MICU1: variants seen among roughly 807,000 people sequenced by gnomAD.
The protein encoded by MICU1 is calcium uptake protein 1, mitochondrial.
Under a neutral mutation model 56.8 loss-of-function variants are expected in MICU1, and 45 were observed. That is an observed-to-expected ratio of 0.79 (90% CI 0.62 to 1.02). The LOEUF is 1.02. MICU1 is among the 50% of genes least tolerant of loss of function. The probability of loss-of-function intolerance (pLI) is 0.00; values close to 1 mark genes in which losing one functional copy is unlikely to be tolerated. For synonymous variants in MICU1, 186 were observed against 195.1 expected (o/e 0.95, Z 0.39); for missense variants, 504 against 587.1 (o/e 0.86, Z 1.46).
intron 11 of MICU1, among the ~76,000 whole-genome samples, chr10:72,373,927 A>G (rs1862430615): frequency 6.6e-6 from 1 of 152,226 alleles, no homozygotes; most frequent in African/African-American, 2.4e-5. Context: ...TCAATACAGT[A>G]GCCACTAGCT....
At chr10:72,447,770 G>A (rs1156980779) in intron 8 of MICU1, among the ~76,000 whole-genome samples, 7 of 152,112 alleles carry the variant, frequency 4.6e-5, no homozygotes, top group Admixed American at 4.6e-4. Context: ...CTCCACAAAA[G>A]CTGGAGAGTT....
At chr10:72,427,333 G>A (rs1025798637) in intron 8 of MICU1, among the ~76,000 whole-genome samples, 1 of 152,132 alleles carries the variant, frequency 6.6e-6, no homozygotes, top group African/African-American at 2.4e-5. Context: ...AAGGACAGAT[G>A]GTCTACACGT....
At chr10:72,420,539 C>T (rs1330798176) in intron 9 of MICU1, among the ~76,000 whole-genome samples, 1 of 152,064 alleles carries the variant, frequency 6.6e-6, no homozygotes, top group Non-Finnish European at 1.5e-5. Context: ...ATTTTTAGTG[C>T]CAGGTTAGAT....
At chr10:72,602,965 A>C (rs1841580918) in intron 1 of MICU1, among the ~76,000 whole-genome samples, 1 of 151,240 alleles carries the variant, frequency 6.6e-6, no homozygotes, top group Admixed American at 6.6e-5. Context: ...AAATACAAAA[A>C]ATTAGCCGGG....
At chr10:72,598,545 C>G (rs972077384) in intron 1 of MICU1, among the ~76,000 whole-genome samples, 2 of 152,004 alleles carry the variant, frequency 1.3e-5, no homozygotes, top group African/African-American at 4.8e-5. Context: ...TGTCAGCCAC[C>G]GTGCCGGGCC....
rs189534458 is a variant in MICU1, at chr10:72,578,950, T to C, written c.-1-12156A>G. Among the ~76,000 whole-genome samples, 817 of 152,170 alleles carry C rather than the reference T, an allele frequency of 5.4e-3. 6 individuals carry two copies. Among genetic ancestry groups the C allele is most frequent in the Middle Eastern group, 0.014 (4 of 294 alleles). The stretch of plus-strand genomic sequence containing the variant: ...ACTGCACACTTCATAGACTACACTA[T>C]AGTATAAACATAACTTTTATATGCA... On this transcript the variant is annotated intron_variant, in intron 1 of 11. Coordinates refer to ENST00000361114, the MANE Select transcript of MICU1 (RefSeq NM_001195518.2).
At chr10:72,382,094 C>A (rs12777437) in intron 10 of MICU1, among the ~76,000 whole-genome samples, 1 of 151,158 alleles carries the variant, frequency 6.6e-6, no homozygotes, top group East Asian at 1.9e-4. Flanking sequence ...GTATTTGGTA[C>A]GAGTTACATT....
chr10:72,437,048 G>A (rs1192955124), intron 8 of MICU1, among the ~76,000 whole-genome samples: 1 of 152,102 alleles, frequency 6.6e-6, no homozygotes, highest in Non-Finnish European at 1.5e-5. Flanking sequence ...TACAGAGAAT[G>A]CCACAAAGAT....
chr10:72,424,484 T>C lies in MICU1; in HGVS notation c.934-1113A>G, dbSNP rs990554980. 4.0e-5 allele frequency among the ~76,000 whole-genome samples: 6 copies of C among 149,198 alleles called. No individual in the cohort carries two copies. In the South Asian group the frequency reaches 6.4e-4, roughly 16 times the overall value. ...CCAATATGTTCTTTTTTTTAATTAC[T>C]TTTTTTTTTGTAAATAGAGATGGGG... On this transcript the variant is annotated intron_variant, in intron 8 of 11. Transcript: ENST00000361114.
At chr10:72,386,317 G>T (rs1862885853) in intron 10 of MICU1, among the ~76,000 whole-genome samples, 1 of 152,116 alleles carries the variant, frequency 6.6e-6, no homozygotes, top group Non-Finnish European at 1.5e-5. Flanking sequence ...GAGTAGCTGG[G>T]ATTACAGGTG....
chr10:72,599,335 A>G (rs147607933), intron 1 of MICU1, among the ~76,000 whole-genome samples: 1 of 152,348 alleles, frequency 6.6e-6, no homozygotes, highest in East Asian at 1.9e-4. Flanking sequence ...TTAAATATTA[A>G]TATTTAAAAT....
chr10:72,512,598 ATC>A (rs1431587500), intron 5 of MICU1, among the ~76,000 whole-genome samples: 1 of 152,196 alleles, frequency 6.6e-6, no homozygotes, highest in African/African-American at 2.4e-5. Context: ...ATGTATGAGT[ATC>A]TGTTTGAGTA....
At chr10:72,479,643 A>G (rs940653416) in intron 6 of MICU1, among the ~76,000 whole-genome samples, 16 of 152,180 alleles carry the variant, frequency 1.1e-4, no homozygotes, top group Non-Finnish European at 8.8e-5. Context: ...ATCCTGCCTC[A>G]GCCTCTGGAG....
chr10:72,499,703 G>T (rs1170346384), intron 6 of MICU1, among the ~76,000 whole-genome samples: 1 of 152,110 alleles, frequency 6.6e-6, no homozygotes, highest in African/African-American at 2.4e-5. Flanking sequence ...GTCCCAGTAA[G>T]AAGGATTTGT....
chr10:72,432,526 A>G (rs1864573884), intron 8 of MICU1, among the ~76,000 whole-genome samples: 1 of 152,174 alleles, frequency 6.6e-6, no homozygotes. Context: ...TTGGTTCTGC[A>G]GGCTATAGGG....
intron 10 of MICU1, among the ~76,000 whole-genome samples, chr10:72,399,915 G>A (rs931066957): frequency 1.3e-5 from 2 of 152,150 alleles, no homozygotes; most frequent in Admixed American, 6.5e-5. Flanking sequence ...CTGAAACTGC[G>A]CCGCTGAACT....
At chr10:72,603,112 AACAGTG>A (rs1260353816) in intron 1 of MICU1, among the ~76,000 whole-genome samples, 2 of 151,752 alleles carry the variant, frequency 1.3e-5, no homozygotes, top group Admixed American at 6.6e-5. Context: ...CCCGGCTGGG[AACAGTG>A]GCTCACGCCT....
intron 1 of MICU1, among the ~76,000 whole-genome samples, chr10:72,574,579 A>G (rs1281415305): frequency 1.3e-5 from 2 of 152,194 alleles, no homozygotes; most frequent in Non-Finnish European, 2.9e-5. Context: ...TAATGATAAT[A>G]ATGATTTATT....
At chr10:72,546,588 C>T (rs759532354) in intron 4 of MICU1, among the ~76,000 whole-genome samples, 1 of 152,220 alleles carries the variant, frequency 6.6e-6, no homozygotes, top group Admixed American at 6.5e-5. Flanking sequence ...ACTCTTTGCT[C>T]AATTAAACTC....
Sources: gnomAD v4.1 joint callset for allele counts (sites outside exome capture counted in the v4.1 genomes callset) on GRCh38, gnomAD v4.1.1 for gene constraint, MANE v1.5 for transcripts, NCBI Gene and HGNC (gene_info 2026-07-23, HGNC 2026-07-21) for gene names.